The following LITAF variants were observed in gnomAD, a reference collection of about 807,000 sequenced individuals.
The protein encoded by LITAF is lipopolysaccharide-induced tumor necrosis factor-alpha factor.
LITAF carries 9 observed loss-of-function variants against 14.5 expected under a neutral mutation model. That is an observed-to-expected ratio of 0.62 (90% confidence interval 0.37 to 1.08). The LOEUF is 1.08. Among genes scored for constraint, LITAF ranks in the 50% least tolerant of loss-of-function variants. The pLI, the probability that LITAF is intolerant of heterozygous loss-of-function variation, is 0.01. For missense variants in LITAF, 206 were observed against 213.4 expected (o/e 0.97, Z 0.22); for synonymous variants, 98 against 88.2 (o/e 1.11, Z -0.62).
chr16:11,580,189 G>A (rs921114897), intron 1 of LITAF, among the ~76,000 whole-genome samples: 2 of 151,804 alleles, frequency 1.3e-5, no homozygotes, highest in Non-Finnish European at 2.9e-5. Flanking sequence ...CCGGTCCCAA[G>A]CATTTCAGAG....
chr16:11,603,230 C>G (rs1466341695), upstream of LITAF, among the ~76,000 whole-genome samples: 1 of 152,144 alleles, frequency 6.6e-6, no homozygotes, highest in Non-Finnish European at 1.5e-5. Flanking sequence ...TTGTGTGTTT[C>G]TTTTTAAACA....
chr16:11,606,587 T>G (rs2064956194), intron 3 of LITAF, among the ~76,000 whole-genome samples: 1 of 152,174 alleles, frequency 6.6e-6, no homozygotes, highest in African/African-American at 2.4e-5. Flanking sequence ...GTGACTTGCT[T>G]TCTTGCAATT....
chr16:11,613,257 C>G (rs968123317), intron 3 of LITAF, among the ~76,000 whole-genome samples: 1 of 152,166 alleles, frequency 6.6e-6, no homozygotes, highest in Non-Finnish European at 1.5e-5. Context: ...CCAGGCTGGT[C>G]TCGAACGCCT....
At chr16:11,556,778 T>C (rs2064277861) in intron 1 of LITAF, 43 bp from the exon 2 acceptor site, 2 of 1,490,606 alleles carry the variant, frequency 1.3e-6, no homozygotes, top group Non-Finnish European at 1.9e-6. Flanking sequence ...ATTCAGTTGA[T>C]CTCTCCCTCT....
chr16:11,628,833 T>C (rs1274769589), intron 3 of LITAF, among the ~76,000 whole-genome samples: 2 of 152,192 alleles, frequency 1.3e-5, no homozygotes, highest in African/African-American at 2.4e-5. Flanking sequence ...CACACCACCA[T>C]GCCCAGCTAA....
chr16:11,593,447 C>T (rs992519129), intron 1 of LITAF, among the ~76,000 whole-genome samples: 1 of 146,292 alleles, frequency 6.8e-6, no homozygotes, highest in South Asian at 2.2e-4. Flanking sequence ...CTGGTGAGAA[C>T]ATAAAATGCT....
At position 11,558,598 on chromosome 16, in the gene LITAF, C is replaced by T. The variant is rs1019507311; in HGVS notation, c.-5-1863G>A. Among the ~76,000 whole-genome samples, 1 of 151,900 alleles carries T rather than the reference C, an allele frequency of 6.6e-6. No homozygotes were observed. The highest frequency in any genetic ancestry group is 6.6e-5 in the Admixed American group (1 of 15,252). On this transcript the variant is annotated intron_variant, in intron 1 of 3. Coordinates refer to ENST00000622633, the MANE Select transcript of LITAF (RefSeq NM_001136472.2). The surrounding 1 kb of genome is among the most constrained non-coding windows in gnomAD (Gnocchi z 4.1). ...TGGCACACACCTGTAATCCCAGCTA[C>T]TTAGGAGGCTGAGGCAGGAGGATTG...
chr16:11,567,425 A>G (rs2064469394), intron 1 of LITAF, among the ~76,000 whole-genome samples: 1 of 151,682 alleles, frequency 6.6e-6, no homozygotes, highest in Non-Finnish European at 1.5e-5. Context: ...GTCTGGAAAA[A>G]AAAAAAAACA....
rs886120784 is a variant in LITAF, at chr16:11,629,362, G to A, written c.85+4171C>T. ...GGTTTTCTAGAAGTGAGGGTTCTCA[G>A]AAGAGGGGAGTAAGGAGACAAGGTG... On this transcript the variant is annotated intron_variant, in intron 3 of 3. Transcript: ENST00000574848. 3.3e-5 allele frequency among the ~76,000 whole-genome samples: 5 copies of A among 152,244 alleles called. 1 individual carries two copies. Among genetic ancestry groups the A allele is most frequent in the Admixed American group, 6.5e-5 (1 of 15,282 alleles).
Position 11,634,746 on chromosome 16 carries a change from T to C in LITAF, c.-21+1079A>G, listed in dbSNP as rs1232338454. Among the ~76,000 whole-genome samples the C allele has an allele frequency of 1.3e-5, 2 of 152,168 alleles. No individual in the cohort carries two copies. Among genetic ancestry groups the C allele is most frequent in the Non-Finnish European group, 2.9e-5 (2 of 68,042 alleles). Reference sequence around the variant, plus strand: ...GAGACTGACTTGAGTCATAAAACTCTGGTCTCTACCAGGCATGGTGGCTCA... The same window carrying C: ...GAGACTGACTTGAGTCATAAAACTCCGGTCTCTACCAGGCATGGTGGCTCA... On this transcript the variant is annotated intron_variant, in intron 2 of 3. Transcript: ENST00000574848. The surrounding 1 kb of genome is among the most constrained non-coding windows in gnomAD (Gnocchi z 4.1).
intron 1 of LITAF, among the ~76,000 whole-genome samples, chr16:11,567,852 C>A (rs768115137): frequency 6.6e-6 from 1 of 152,092 alleles, no homozygotes; most frequent in South Asian, 2.1e-4. Flanking sequence ...GGCGTGGTGA[C>A]GCAGCCCTGT....
chr16:11,616,736 C>A (rs1364527191), intron 3 of LITAF, among the ~76,000 whole-genome samples: 2 of 151,964 alleles, frequency 1.3e-5, no homozygotes, highest in South Asian at 4.1e-4. Flanking sequence ...CATAGGAAGA[C>A]CCCATCTCTA....
exon 1 of LITAF, chr16:11,636,356 G>A (rs1031491119): frequency 6.6e-6 from 1 of 152,234 alleles, no homozygotes; most frequent in African/African-American, 2.4e-5. Flanking sequence ...GAAGAAAGGG[G>A]TCCCAGAGAA....
At chr16:11,602,577 T>C (rs559653163), upstream of LITAF, among the ~76,000 whole-genome samples, 336 of 152,114 alleles carry the variant, frequency 2.2e-3, 2 homozygotes, top group African/African-American at 7.7e-3. Context: ...AATCATTTGA[T>C]TGGGTTATGA....
At chr16:11,606,676 C>G (rs974670401) in intron 3 of LITAF, among the ~76,000 whole-genome samples, 1 of 152,012 alleles carries the variant, frequency 6.6e-6, no homozygotes, top group African/African-American at 2.4e-5. Flanking sequence ...TACAACATGC[C>G]CAGGCTGGAG....
At chr16:11,626,754 G>A (rs1003273240) in intron 3 of LITAF, among the ~76,000 whole-genome samples, 1 of 152,206 alleles carries the variant, frequency 6.6e-6, no homozygotes, top group African/African-American at 2.4e-5. Context: ...TTACAGGCGT[G>A]AGCCACCTTG....
intron 1 of LITAF, among the ~76,000 whole-genome samples, chr16:11,578,113 G>A (rs1021255952): frequency 2.6e-5 from 4 of 151,996 alleles, no homozygotes; most frequent in Admixed American, 1.3e-4. Flanking sequence ...TGCTCAGGCC[G>A]GTCTTAAACT....
At chr16:11,577,269 C>G (rs976570830) in intron 1 of LITAF, among the ~76,000 whole-genome samples, 1 of 152,048 alleles carries the variant, frequency 6.6e-6, no homozygotes, top group African/African-American at 2.4e-5. Flanking sequence ...GCACATCTAT[C>G]CCATCTATGA....
intron 3 of LITAF, among the ~76,000 whole-genome samples, chr16:11,606,315 C>T (rs539418659): frequency 5.3e-5 from 8 of 151,980 alleles, no homozygotes; most frequent in South Asian, 2.1e-4. Context: ...ACTACAGGCA[C>T]GCACCACCAT....
Sources: allele counts gnomAD v4.1 joint callset (sites outside exome capture counted in the v4.1 genomes callset), GRCh38; gene constraint gnomAD v4.1.1; non-coding constraint Gnocchi (gnomAD v3.1); transcripts MANE v1.5; gene names NCBI Gene and HGNC (gene_info 2026-07-23, HGNC 2026-07-21).